ZDHHC21: variants seen among roughly 807,000 people sequenced by gnomAD.
ZDHHC21 encodes palmitoyltransferase ZDHHC21.
Under a neutral mutation model 34.6 loss-of-function variants are expected in ZDHHC21, and 15 were observed. The ratio of observed to expected loss-of-function variants is 0.43; its 90% CI spans 0.29 to 0.67. The LOEUF is 0.67. ZDHHC21 is among the 30% of genes least tolerant of loss of function. The pLI, the probability that ZDHHC21 is intolerant of heterozygous loss-of-function variation, is 0.14. For synonymous variants in ZDHHC21, 142 were observed against 101.8 expected, an observed-to-expected ratio of 1.40 and a Z score of -2.38; for missense variants, 344 against 327.7, an observed-to-expected ratio of 1.05 and a Z score of -0.38.
At chr9:14,641,284 T>C (rs1829324366) in intron 7 of ZDHHC21, among the ~76,000 whole-genome samples, 1 of 152,160 alleles carries the variant, frequency 6.6e-6, no homozygotes, top group African/African-American at 2.4e-5. Context: ...ACTTAAAACG[T>C]TATGTAGCAG....
intron 2 of ZDHHC21, among the ~76,000 whole-genome samples, chr9:14,684,353 G>C (rs1296381252): frequency 6.6e-6 from 1 of 151,462 alleles, no homozygotes; most frequent in East Asian, 1.9e-4. Context: ...CTTCAGCAAA[G>C]TCTCAGGATA....
chr9:14,633,562 G>A (rs546203389), intron 8 of ZDHHC21, among the ~76,000 whole-genome samples: 2 of 152,100 alleles, frequency 1.3e-5, no homozygotes, highest in African/African-American at 2.4e-5. Flanking sequence ...GCCCTCACCA[G>A]ACTGTATCCT....
At chr9:14,597,483 A>T in the ZDHHC21 span, among the ~76,000 whole-genome samples, 1 of 152,274 alleles carries the variant, frequency 6.6e-6, no homozygotes, top group East Asian at 1.9e-4. Flanking sequence ...GCCTTGGGCC[A>T]ATGCCACTGA....
At chr9:14,641,779 C>T (rs753676790) in intron 7 of ZDHHC21, among the ~76,000 whole-genome samples, 1 of 152,148 alleles carries the variant, frequency 6.6e-6, no homozygotes, top group Non-Finnish European at 1.5e-5. Flanking sequence ...AGGTAAAGTG[C>T]CATGTTTATC....
intron 3 of ZDHHC21, among the ~76,000 whole-genome samples, chr9:14,675,325 A>G (rs1002301914): frequency 2.0e-5 from 3 of 151,978 alleles, no homozygotes; most frequent in African/African-American, 7.2e-5. Flanking sequence ...TTTTACGTAA[A>G]ATACAATGGT....
intron 5 of ZDHHC21, among the ~76,000 whole-genome samples, chr9:14,664,049 C>G (rs952111062): frequency 6.6e-6 from 1 of 152,152 alleles, no homozygotes; most frequent in Non-Finnish European, 1.5e-5. Flanking sequence ...CAGCTCCCAG[C>G]GTGAGCGACG....
chr9:14,674,126 C>T (rs1835929089), intron 4 of ZDHHC21, 61 bp downstream of exon 4: 2 of 1,222,770 alleles, frequency 1.6e-6, no homozygotes, highest in South Asian at 2.1e-5. Flanking sequence ...GGCACTACAC[C>T]CCAAAAACGT....
intron 7 of ZDHHC21, among the ~76,000 whole-genome samples, chr9:14,642,736 C>G (rs1829585615): frequency 6.6e-6 from 1 of 152,090 alleles, no homozygotes; most frequent in Non-Finnish European, 1.5e-5. Flanking sequence ...CTGCTGACAC[C>G]CTGATCTTGG....
intron 3 of ZDHHC21, among the ~76,000 whole-genome samples, chr9:14,676,643 T>C (rs1231880079): frequency 6.6e-6 from 1 of 152,008 alleles, no homozygotes; most frequent in East Asian, 1.9e-4. Context: ...TTTCATTTAT[T>C]TATCTTTTAA....
chr9:14,665,567 T>C (rs1274026763), intron 5 of ZDHHC21, among the ~76,000 whole-genome samples: 8 of 150,226 alleles, frequency 5.3e-5, no homozygotes, highest in African/African-American at 1.5e-4. Flanking sequence ...AAAGTTGAAA[T>C]GAAGGAAAAA....
the ZDHHC21 span, among the ~76,000 whole-genome samples, chr9:14,592,342 C>G: frequency 6.6e-6 from 1 of 151,918 alleles, no homozygotes; most frequent in East Asian, 1.9e-4. Context: ...CTTCCTTCCT[C>G]TTTCTCTTTT....
chr9:14,607,705 G>A (rs1417250931), downstream of ZDHHC21, among the ~76,000 whole-genome samples: 1 of 152,042 alleles, frequency 6.6e-6, no homozygotes, highest in African/African-American at 2.4e-5. Flanking sequence ...AATTTTTCAT[G>A]TTTACATAAA....
chr9:14,608,517 C>T (rs1050244759), downstream of ZDHHC21, among the ~76,000 whole-genome samples: 4 of 152,108 alleles, frequency 2.6e-5, no homozygotes, highest in African/African-American at 9.7e-5. Context: ...AAACACACTG[C>T]TATTTTTATT....
At chr9:14,664,549 G>C (rs1834041607) in intron 5 of ZDHHC21, among the ~76,000 whole-genome samples, 1 of 151,436 alleles carries the variant, frequency 6.6e-6, no homozygotes, top group Non-Finnish European at 1.5e-5. Context: ...CTCCACCTCT[G>C]GGGGCAGGGC....
intron 2 of ZDHHC21, among the ~76,000 whole-genome samples, chr9:14,686,722 C>T (rs984455031): frequency 6.6e-6 from 1 of 151,940 alleles, no homozygotes; most frequent in Non-Finnish European, 1.5e-5. Flanking sequence ...CCTGTAATCC[C>T]AGCACTTTGG....
At chr9:14,630,772 CTT>C (rs562104563) in intron 8 of ZDHHC21, among the ~76,000 whole-genome samples, 273 of 152,284 alleles carry the variant, frequency 1.8e-3, no homozygotes, top group Middle Eastern at 6.8e-3. Flanking sequence ...CATCAGAGCT[CTT>C]GAGTGACTTG....
intron 8 of ZDHHC21, among the ~76,000 whole-genome samples, chr9:14,636,006 T>C (rs541956875): frequency 1.7e-3 from 261 of 152,124 alleles, no homozygotes; most frequent in African/African-American, 6.1e-3. Flanking sequence ...ACAAAGCATA[T>C]ATAAAACAAT....
At chr9:14,594,413 C>G in the ZDHHC21 span, among the ~76,000 whole-genome samples, 2 of 152,128 alleles carry the variant, frequency 1.3e-5, no homozygotes, top group Middle Eastern at 3.2e-3. Context: ...ACATTACGAT[C>G]AATTGATTAT....
chr9:14,595,500 G>C, the ZDHHC21 span, among the ~76,000 whole-genome samples: 4 of 152,162 alleles, frequency 2.6e-5, no homozygotes, highest in African/African-American at 9.6e-5. Context: ...GAGTCCAAGG[G>C]GTCTTTCTAA....
Sources: allele counts gnomAD v4.1 joint callset (sites outside exome capture counted in the v4.1 genomes callset), GRCh38; gene constraint gnomAD v4.1.1; transcripts MANE v1.5; gene names NCBI Gene and HGNC (gene_info 2026-07-23, HGNC 2026-07-21).